Variants in AMBRA1 observed in about 807,000 individuals in gnomAD.
AMBRA1 encodes autophagy and beclin 1 regulator 1.
AMBRA1 carries 47 observed loss-of-function variants against 125.4 expected under a neutral mutation model. The observed-to-expected ratio is 0.37, with a 90% CI of 0.30 to 0.48. The LOEUF is 0.48. AMBRA1 is among the 20% of genes least tolerant of loss of function. The probability of loss-of-function intolerance (pLI) is 0.99; values close to 1 mark genes in which losing one functional copy is unlikely to be tolerated. For missense variants in AMBRA1, 1,331 were observed against 1,693.4 expected, an observed-to-expected ratio of 0.79 and a Z score of 3.76; for synonymous variants, 626 against 655.5, an observed-to-expected ratio of 0.95 and a Z score of 0.69.
chr11:46,476,775 CTG>C (rs1258522579), intron 11 of AMBRA1, among the ~76,000 whole-genome samples: 2 of 152,170 alleles, frequency 1.3e-5, no homozygotes, highest in Admixed American at 6.6e-5. Context: ...CAGTTAGCTC[CTG>C]TGTTAGCTCT....
chr11:46,454,356 G>A (rs1043571280), intron 11 of AMBRA1, among the ~76,000 whole-genome samples: 3 of 151,614 alleles, frequency 2.0e-5, no homozygotes, highest in Admixed American at 2.0e-4. Context: ...ATGTATCACA[G>A]CTTCATAAAA....
At chr11:46,423,354 C>A (rs1435242931) in intron 14 of AMBRA1, among the ~76,000 whole-genome samples, 2 of 152,086 alleles carry the variant, frequency 1.3e-5, no homozygotes, top group African/African-American at 4.8e-5. Flanking sequence ...ATTCAGAATT[C>A]ACAAAATGTT....
chr11:46,440,832 C>T (rs1478938221), intron 12 of AMBRA1, among the ~76,000 whole-genome samples: 2 of 152,170 alleles, frequency 1.3e-5, no homozygotes, highest in Non-Finnish European at 2.9e-5. Flanking sequence ...CCAAGACTGG[C>T]ATCAGGAAAT....
chr11:46,567,478 G>C (rs907774406), intron 1 of AMBRA1, among the ~76,000 whole-genome samples: 7 of 152,058 alleles, frequency 4.6e-5, no homozygotes, highest in African/African-American at 1.7e-4. Flanking sequence ...GCAGTCCTCT[G>C]GCTCAACCTT....
chr11:46,556,021 T>A (rs1226080058), intron 1 of AMBRA1, among the ~76,000 whole-genome samples: 8 of 152,246 alleles, frequency 5.3e-5, no homozygotes, highest in East Asian at 1.9e-4. Flanking sequence ...AATTATTTTT[T>A]AAAAAATCCT....
At position 46,408,847 on chromosome 11, in the gene AMBRA1, C is replaced by T. The variant is rs535478958; in HGVS notation, c.3210-141G>A. 5.6e-5 allele frequency: 38 copies of T among 684,440 alleles called. No individual in the cohort carries two copies. In the Middle Eastern group the frequency reaches 1.8e-3, roughly 32 times the overall value. 42.4% of individuals were successfully genotyped at this position (684,440 alleles called of 1,614,324 possible). ...GAGAAGCCCTGTGCTCCTGCAACTA[C>T]ATCTTGATGGTGGTTAACTTGTCTG... On this transcript the variant is annotated intron_variant, in intron 16 of 17. Coordinates refer to ENST00000683756, the MANE Select transcript of AMBRA1 (RefSeq NM_001387011.1).
chr11:46,447,027 C>T, intron 11 of AMBRA1, among the ~76,000 whole-genome samples: 1 of 152,198 alleles, frequency 6.6e-6, no homozygotes, highest in Admixed American at 6.5e-5. Context: ...ATAAATTAAT[C>T]TCTCTGAACC....
At chr11:46,550,053 A>G (rs2042944203) in intron 1 of AMBRA1, among the ~76,000 whole-genome samples, 1 of 152,262 alleles carries the variant, frequency 6.6e-6, no homozygotes, top group Non-Finnish European at 1.5e-5. Flanking sequence ...TCCTGACCTC[A>G]GGTGATCCAC....
intron 7 of AMBRA1, among the ~76,000 whole-genome samples, chr11:46,517,830 CAAA>C (rs202001744): frequency 6.4e-5 from 5 of 77,898 alleles, no homozygotes; most frequent in Admixed American, 1.5e-4. Flanking sequence ...GACTCTGTCT[CAAA>C]AAAAAAAAAA....
intron 15 of AMBRA1, among the ~76,000 whole-genome samples, chr11:46,412,301 C>A (rs114209492): frequency 6.6e-6 from 1 of 152,132 alleles, no homozygotes; most frequent in Non-Finnish European, 1.5e-5. Flanking sequence ...AGTTATTATA[C>A]TGTATTGCAT....
intron 11 of AMBRA1, among the ~76,000 whole-genome samples, chr11:46,468,671 G>T (rs986486874): frequency 1.3e-4 from 20 of 151,976 alleles, no homozygotes; most frequent in Middle Eastern, 3.4e-3. Context: ...AAATAGCCGG[G>T]TGTGGTGGCG....
chr11:46,426,048 G>A (rs1287900332), intron 14 of AMBRA1, among the ~76,000 whole-genome samples: 1 of 150,402 alleles, frequency 6.6e-6, no homozygotes, highest in East Asian at 1.9e-4. Flanking sequence ...TCGGGAGGCT[G>A]AGGCGAGACT....
intron 1 of AMBRA1, among the ~76,000 whole-genome samples, chr11:46,571,340 T>C (rs1414857168): frequency 2.0e-5 from 3 of 152,166 alleles, no homozygotes; most frequent in African/African-American, 7.2e-5. Flanking sequence ...ATCATGGATA[T>C]ACAGAGTTAA....
intron 9 of AMBRA1, among the ~76,000 whole-genome samples, chr11:46,497,710 T>C (rs1950687057): frequency 6.6e-6 from 1 of 152,114 alleles, no homozygotes; most frequent in Admixed American, 6.6e-5. Context: ...GGTCAAAATA[T>C]ACTACAAAAG....
intron 11 of AMBRA1, 21 bp from the exon 12 acceptor site, chr11:46,443,619 G>A (rs1286551377): frequency 1.9e-6 from 3 of 1,580,312 alleles, no homozygotes; most frequent in Non-Finnish European, 2.6e-6. Context: ...AGAAGTCAAA[G>A]ACAGCACATT....
intron 11 of AMBRA1, among the ~76,000 whole-genome samples, chr11:46,492,874 C>T (rs1276103588): frequency 3.9e-5 from 6 of 152,118 alleles, no homozygotes; most frequent in Non-Finnish European, 7.4e-5. Flanking sequence ...ACGTTGAAAC[C>T]CCCTCTCTAC....
chr11:46,503,988 C>A (rs1950936753), intron 9 of AMBRA1, among the ~76,000 whole-genome samples: 1 of 152,182 alleles, frequency 6.6e-6, no homozygotes, highest in East Asian at 1.9e-4. Flanking sequence ...TGTGAGCTGC[C>A]ACACCCGGCT....
intron 12 of AMBRA1, among the ~76,000 whole-genome samples, chr11:46,435,404 T>G (rs747160673): frequency 6.6e-6 from 1 of 152,150 alleles, no homozygotes; most frequent in Non-Finnish European, 1.5e-5. Context: ...CCAAGATAAA[T>G]GAAAATGCAA....
intron 9 of AMBRA1, 67 bp downstream of exon 9, chr11:46,508,124 G>C (rs890536649): frequency 1.2e-5 from 19 of 1,544,510 alleles, no homozygotes; most frequent in Non-Finnish European, 1.5e-5. Flanking sequence ...AGCTCCAACA[G>C]TGGCCAACTT....
Sources: allele counts gnomAD v4.1 joint callset (sites outside exome capture counted in the v4.1 genomes callset), GRCh38; gene constraint gnomAD v4.1.1; transcripts MANE v1.5; gene names NCBI Gene and HGNC (gene_info 2026-07-23, HGNC 2026-07-21).